The following CTNNA3 variants were observed in gnomAD, a reference collection of about 807,000 sequenced individuals.
The protein encoded by CTNNA3 is catenin alpha 3.
CTNNA3 carries 76 observed loss-of-function variants against 95.7 expected under a neutral mutation model. The observed-to-expected ratio is 0.79, with a 90% CI of 0.66 to 0.96. The LOEUF (loss-of-function observed/expected upper bound fraction) is 0.96, where lower values mean the gene tolerates loss of function less well. CTNNA3 is among the 40% of genes least tolerant of loss of function. The pLI, the probability that CTNNA3 is intolerant of heterozygous loss-of-function variation, is 0.00. For synonymous variants in CTNNA3, 431 were observed against 374.4 expected, an observed-to-expected ratio of 1.15 and a Z score of -1.74; for missense variants, 1,191 against 1,089.8, an observed-to-expected ratio of 1.09 and a Z score of -1.31.
chr10:67,360,821 G>A (rs1324711646), intron 5 of CTNNA3, among the ~76,000 whole-genome samples: 3 of 151,952 alleles, frequency 2.0e-5, no homozygotes, highest in African/African-American at 7.3e-5. Flanking sequence ...CCATTCATGA[G>A]AAATCCACCC....
chr10:66,056,748 T>A (rs2080096039), intron 15 of CTNNA3, among the ~76,000 whole-genome samples: 1 of 152,210 alleles, frequency 6.6e-6, no homozygotes, highest in African/African-American at 2.4e-5. Context: ...GCATTCAATC[T>A]TGGTACTTGC....
At chr10:66,260,025 G>A (rs1655093204) in intron 13 of CTNNA3, among the ~76,000 whole-genome samples, 1 of 152,102 alleles carries the variant, frequency 6.6e-6, no homozygotes, top group Admixed American at 6.5e-5. Flanking sequence ...ATGCAGAACT[G>A]AAGAAACCTC....
intron 7 of CTNNA3, among the ~76,000 whole-genome samples, chr10:66,951,480 A>G (rs528753315): frequency 6.6e-6 from 1 of 152,272 alleles, no homozygotes; most frequent in Non-Finnish European, 1.5e-5. Flanking sequence ...CCCCTAACGT[A>G]TTTAATTCTT....
At chr10:66,244,646 G>T (rs868265269) in intron 13 of CTNNA3, among the ~76,000 whole-genome samples, 2 of 152,156 alleles carry the variant, frequency 1.3e-5, no homozygotes, top group South Asian at 4.1e-4. Flanking sequence ...AACAAAGGCG[G>T]CACATTTATG....
intron 12 of CTNNA3, among the ~76,000 whole-genome samples, chr10:66,293,466 G>T (rs927973029): frequency 6.6e-6 from 1 of 151,814 alleles, no homozygotes; most frequent in Non-Finnish European, 1.5e-5. Context: ...ATTACAACAA[G>T]TTGTAATTTA....
intron 7 of CTNNA3, chr10:66,926,816 T>A (rs1847104676): frequency 9.3e-7 from 1 of 1,075,058 alleles, no homozygotes; most frequent in African/African-American, 1.6e-5. Context: ...TAAGTGTTAT[T>A]TAGATTTAAA....
At chr10:66,262,858 A>G (rs2091045905) in intron 13 of CTNNA3, among the ~76,000 whole-genome samples, 1 of 151,828 alleles carries the variant, frequency 6.6e-6, no homozygotes, top group East Asian at 1.9e-4. Context: ...TTTTTTTTCA[A>G]TGTGGCTTTG....
chr10:67,512,518 C>T (rs1000213927), intron 5 of CTNNA3, among the ~76,000 whole-genome samples: 14 of 151,992 alleles, frequency 9.2e-5, no homozygotes, highest in South Asian at 2.1e-4. Context: ...AAGGTTTAGA[C>T]GACACGGGAT....
chr10:66,858,271 T>C (rs1843761365), intron 7 of CTNNA3, among the ~76,000 whole-genome samples: 1 of 152,014 alleles, frequency 6.6e-6, no homozygotes, highest in Non-Finnish European at 1.5e-5. Flanking sequence ...CATGGTCGAA[T>C]AGCTTTTTGA....
At chr10:67,279,511 A>G (rs1158652936) in intron 5 of CTNNA3, among the ~76,000 whole-genome samples, 2 of 152,048 alleles carry the variant, frequency 1.3e-5, no homozygotes, top group African/African-American at 2.4e-5. Flanking sequence ...AAATACACAC[A>G]CTGCAAGAGG....
chr10:66,913,155 C>T (rs758558597), intron 7 of CTNNA3, among the ~76,000 whole-genome samples: 1 of 129,154 alleles, frequency 7.7e-6, no homozygotes, highest in Admixed American at 9.8e-5. Context: ...AGGAGAATGG[C>T]GTGAACCCGG....
intron 8 of CTNNA3, among the ~76,000 whole-genome samples, chr10:66,773,490 A>C (rs1840176782): frequency 1.3e-5 from 2 of 152,170 alleles, no homozygotes; most frequent in Non-Finnish European, 2.9e-5. Flanking sequence ...CACCGTATCG[A>C]GAGAGGGAAC....
intron 15 of CTNNA3, among the ~76,000 whole-genome samples, chr10:66,044,030 A>C (rs929495438): frequency 6.7e-6 from 1 of 149,520 alleles, no homozygotes; most frequent in South Asian, 2.1e-4. Flanking sequence ...GAGTCTCACT[A>C]TGTCACCCAA....
chr10:66,356,783 T>C (rs1221641998), intron 12 of CTNNA3, among the ~76,000 whole-genome samples: 1 of 152,082 alleles, frequency 6.6e-6, no homozygotes, highest in Admixed American at 6.5e-5. Context: ...AAAGTCCCTT[T>C]CTATTTCTAA....
chr10:66,831,595 A>C (rs1284269095), intron 7 of CTNNA3, among the ~76,000 whole-genome samples: 1 of 152,138 alleles, frequency 6.6e-6, no homozygotes, highest in East Asian at 1.9e-4. Context: ...CTAGACTATA[A>C]GCACCATGAA....
intron 11 of CTNNA3, among the ~76,000 whole-genome samples, chr10:66,463,582 T>A (rs1174416454): frequency 6.6e-6 from 1 of 152,122 alleles, no homozygotes; most frequent in East Asian, 1.9e-4. Context: ...TGCAGAAAAC[T>A]TTACCAGTAA....
intron 17 of CTNNA3, among the ~76,000 whole-genome samples, chr10:65,943,480 T>C (rs1042810188): frequency 6.6e-6 from 1 of 152,202 alleles, no homozygotes. Flanking sequence ...TGAAGTGACA[T>C]AGGACAAACA....
chr10:66,484,279 A>AT (rs1428582546), intron 11 of CTNNA3, among the ~76,000 whole-genome samples: 10 of 151,528 alleles, frequency 6.6e-5, no homozygotes, highest in African/African-American at 1.7e-4. Context: ...ACTGCTAGAC[A>AT]TTTTTTTTCA....
intron 11 of CTNNA3, among the ~76,000 whole-genome samples, chr10:66,497,303 T>A (rs922813447): frequency 6.6e-6 from 1 of 151,888 alleles, no homozygotes; most frequent in Admixed American, 6.6e-5. Flanking sequence ...ATTATTAGGA[T>A]GGTGCAAAAG....
Sources: allele counts gnomAD v4.1 joint callset (sites outside exome capture counted in the v4.1 genomes callset), GRCh38; gene constraint gnomAD v4.1.1; transcripts MANE v1.5; gene names NCBI Gene and HGNC (gene_info 2026-07-23, HGNC 2026-07-21).